ATP10B: variants seen among roughly 807,000 people sequenced by gnomAD.
ATP10B encodes the protein phospholipid-transporting ATPase VB.
A neutral mutation model predicts 141.2 loss-of-function variants in ATP10B; 122 were observed. That is an observed-to-expected ratio of 0.86 (90% CI 0.75 to 1.00). ATP10B has a LOEUF of 1.00. Among genes scored for constraint, ATP10B ranks in the 50% least tolerant of loss-of-function variants. The probability of loss-of-function intolerance (pLI) is 0.00; values close to 1 mark genes in which losing one functional copy is unlikely to be tolerated. For missense variants in ATP10B, 1,876 were observed against 1,825.3 expected (o/e 1.03, Z -0.51); for synonymous variants, 685 against 692.0 (o/e 0.99, Z 0.16).
chr5:160,833,559 G>A (rs1268602013), intron 1 of ATP10B, among the ~76,000 whole-genome samples: 3 of 152,128 alleles, frequency 2.0e-5, no homozygotes, highest in Non-Finnish European at 4.4e-5. Context: ...TATGAGACAG[G>A]CAAAGGAGCA....
Position 160,634,417 on chromosome 5 carries a change from C to T in ATP10B, c.1318G>A (p.Glu440Lys), listed in dbSNP as rs1192408493. 1 of 1,614,082 alleles carries T rather than the reference C, an allele frequency of 6.2e-7. No homozygotes were observed. The highest frequency in any genetic ancestry group is 8.5e-7 in the Non-Finnish European group (1 of 1,180,034). The change falls in exon 12 of 26, where the codon GAG becomes AAG. Residue 440 changes from glutamate (E) to lysine (K), a missense_variant. Physicochemically the swap from Glu to Lys is moderately conservative, Grantham distance 56. Coordinates refer to ENST00000327245, the MANE Select transcript of ATP10B (RefSeq NM_025153.3). Reference protein sequence around the residue: ...IFSDKTGTLTENKMVFRRCTI... With the variant: ...IFSDKTGTLTKNKMVFRRCTI... ...CAACGTCGGAACACCATCTTGTTCTCTGTCAGGGTCCCCGTCTTATCGGAG... is the reference window on the plus strand; with the variant it reads ...CAACGTCGGAACACCATCTTGTTCTTTGTCAGGGTCCCCGTCTTATCGGAG...
At chr5:160,845,079 T>C (rs1776039953) in intron 1 of ATP10B, among the ~76,000 whole-genome samples, 1 of 152,130 alleles carries the variant, frequency 6.6e-6, no homozygotes, top group African/African-American at 2.4e-5. Flanking sequence ...CTCTTGAAAA[T>C]CTGGTGTTAA....
chr5:160,854,602 T>C (rs986034705), upstream of ATP10B, among the ~76,000 whole-genome samples: 2 of 152,168 alleles, frequency 1.3e-5, no homozygotes, highest in African/African-American at 4.8e-5. Flanking sequence ...TTCCAAGTCT[T>C]TGCTATTGTG....
In ATP10B at chr5:160,683,822, G is replaced by A. The variant is rs143448534; in HGVS notation, c.470+2257C>T. On this transcript the variant is annotated intron_variant, in intron 6 of 25. Coordinates refer to ENST00000327245, the MANE Select transcript of ATP10B (RefSeq NM_025153.3). ...CTGTGAGCCCAGACTCAACTCCCTT[G>A]CTTCTTTTAGGACTATGTGGGTTAT... Among the ~76,000 whole-genome samples the A allele has an allele frequency of 2.3e-3, 348 of 152,214 alleles. 1 individual carries two copies. Among genetic ancestry groups the A allele is most frequent in the African/African-American group, 8.2e-3 (339 of 41,514 alleles).
At chr5:160,601,647 CTA>C (rs1319922105) in intron 21 of ATP10B, among the ~76,000 whole-genome samples, 1 of 152,098 alleles carries the variant, frequency 6.6e-6, no homozygotes, top group Non-Finnish European at 1.5e-5. Context: ...TTTTATAGGG[CTA>C]TATGTTTTTC....
chr5:160,594,355 A>G lies in ATP10B; in HGVS notation c.3565-3216T>C, dbSNP rs576727636. 3.3e-5 allele frequency among the ~76,000 whole-genome samples: 5 copies of G among 152,290 alleles called. No homozygotes were observed. The East Asian group carries it at 9.6e-4, about 29-fold the overall frequency. ...ACAAATGCTGAGAGATTTTGTCACC[A>G]CCAGGCCTGCCCTAAAAGAGCTCCT... On this transcript the variant is annotated intron_variant, in intron 22 of 25. Transcript: ENST00000327245.
At chr5:160,855,681 TAA>T (rs1206423140), upstream of ATP10B, among the ~76,000 whole-genome samples, 1 of 151,880 alleles carries the variant, frequency 6.6e-6, no homozygotes, top group African/African-American at 2.4e-5. Context: ...TTCTAAATCT[TAA>T]ATATTTATCC....
chr5:160,794,780 G>C (rs1387558031), intron 1 of ATP10B, among the ~76,000 whole-genome samples: 1 of 152,168 alleles, frequency 6.6e-6, no homozygotes, highest in Non-Finnish European at 1.5e-5. Context: ...AAATTTCACA[G>C]ACCTTTTCTT....
At chr5:160,658,313 T>G (rs887290003) in intron 7 of ATP10B, among the ~76,000 whole-genome samples, 1 of 152,164 alleles carries the variant, frequency 6.6e-6, no homozygotes, top group Non-Finnish European at 1.5e-5. Flanking sequence ...GTCAGAGTGT[T>G]GCCTAGGCAG....
chr5:160,604,176 A>G (rs1757252061), intron 19 of ATP10B, 135 bp from the exon 20 acceptor site: 1 of 677,858 alleles, frequency 1.5e-6, no homozygotes, highest in Non-Finnish European at 2.7e-6. Context: ...AGTCATTGCT[A>G]TAGTGCTTAG....
chr5:160,877,953 C>G, the ATP10B span, among the ~76,000 whole-genome samples: 31 of 151,650 alleles, frequency 2.0e-4, no homozygotes, highest in Middle Eastern at 0.01. Flanking sequence ...AATGGCCATA[C>G]TGCCCAAGGT....
At chr5:160,818,246 C>T (rs1352769587) in intron 1 of ATP10B, among the ~76,000 whole-genome samples, 1 of 152,202 alleles carries the variant, frequency 6.6e-6, no homozygotes, top group East Asian at 1.9e-4. Flanking sequence ...TTGCAATCTA[C>T]TCATCTGACA....
chr5:160,628,662 T>C (rs980646681), intron 13 of ATP10B, among the ~76,000 whole-genome samples: 3 of 152,114 alleles, frequency 2.0e-5, no homozygotes, highest in Non-Finnish European at 2.9e-5. Context: ...CTGGCCCCAA[T>C]ACAAATTTTA....
At chr5:160,916,377 C>T in the ATP10B span, among the ~76,000 whole-genome samples, 1 of 150,250 alleles carries the variant, frequency 6.7e-6, no homozygotes, top group African/African-American at 2.5e-5. Flanking sequence ...CAAATGCTCT[C>T]TGAATTGAAG....
chr5:160,881,582 G>A, the ATP10B span, among the ~76,000 whole-genome samples: 1 of 152,132 alleles, frequency 6.6e-6, no homozygotes, highest in Non-Finnish European at 1.5e-5. Context: ...GGAGGCCGAG[G>A]CGGGTGGATC....
chr5:160,753,447 G>A (rs564567629), intron 2 of ATP10B, among the ~76,000 whole-genome samples: 2 of 152,150 alleles, frequency 1.3e-5, no homozygotes, highest in Non-Finnish European at 2.9e-5. Flanking sequence ...GATTTACAAA[G>A]CAACATCACT....
chr5:160,859,992 G>T, the ATP10B span, among the ~76,000 whole-genome samples: 1 of 151,692 alleles, frequency 6.6e-6, no homozygotes, highest in Non-Finnish European at 1.5e-5. Context: ...TACGTCTTTC[G>T]TTTATTATGA....
intron 2 of ATP10B, among the ~76,000 whole-genome samples, chr5:160,737,980 T>A (rs1014590012): frequency 6.6e-6 from 1 of 152,122 alleles, no homozygotes; most frequent in Non-Finnish European, 1.5e-5. Flanking sequence ...TGTAGACATA[T>A]AACCTAACAA....
At chr5:160,616,686 A>C (rs1376007222) in intron 16 of ATP10B, among the ~76,000 whole-genome samples, 5 of 152,216 alleles carry the variant, frequency 3.3e-5, no homozygotes, top group Admixed American at 6.5e-5. Flanking sequence ...ATAGCAATGA[A>C]AAATTATTTT....
Sources: gnomAD v4.1 joint callset for allele counts (sites outside exome capture counted in the v4.1 genomes callset) on GRCh38, gnomAD v4.1.1 for gene constraint, MANE v1.5 for transcripts, NCBI Gene and HGNC (gene_info 2026-07-23, HGNC 2026-07-21) for gene names.